The following FBLN1 variants were observed in gnomAD, a reference collection of about 807,000 sequenced individuals.
FBLN1 encodes fibulin 1.
In FBLN1, 34 loss-of-function variants were observed where a neutral mutation model predicts 89.7. The observed-to-expected ratio is 0.38, with a 90% CI of 0.29 to 0.50. The LOEUF (loss-of-function observed/expected upper bound fraction) is 0.50, where lower values mean the gene tolerates loss of function less well. FBLN1 is among the 20% of genes least tolerant of loss of function. The pLI, the probability that FBLN1 is intolerant of heterozygous loss-of-function variation, is 0.92. For synonymous variants in FBLN1, 393 were observed against 391.3 expected (o/e 1.00, Z -0.05); for missense variants, 777 against 988.1 (o/e 0.79, Z 2.86).
At position 45,550,845 on chromosome 22, in the gene FBLN1, T is replaced by C; in HGVS notation, c.1697+230T>C. ...TGAGTCTGGGGTCTATAGTCATGTT[T>C]TCAGGCCAAGGCTGTGCACAGAACC... On this transcript the variant is annotated intron_variant, in intron 14 of 16. Coordinates refer to ENST00000327858, the MANE Select transcript of FBLN1 (RefSeq NM_006486.3). This position sits in a 1 kb window ranked among gnomAD's most constrained non-coding sequence, Gnocchi z 8.4. 1.6e-6 allele frequency: 1 copy of C among 621,124 alleles called. No individual in the cohort carries two copies. Among genetic ancestry groups the C allele is most frequent in the East Asian group, 2.9e-5 (1 of 34,454 alleles). 38.5% of individuals were successfully genotyped at this position (621,124 alleles called of 1,614,324 possible).
chr22:45,524,259 A>T (rs976804783), intron 2 of FBLN1, among the ~76,000 whole-genome samples: 7 of 152,168 alleles, frequency 4.6e-5, no homozygotes, highest in Non-Finnish European at 7.4e-5. Context: ...TGGAGGCACG[A>T]GTTGGGTGGC....
At chr22:45,518,315 T>C (rs938798447) in intron 1 of FBLN1, among the ~76,000 whole-genome samples, 14 of 152,056 alleles carry the variant, frequency 9.2e-5, no homozygotes, top group Non-Finnish European at 2.1e-4. Flanking sequence ...GGGCTGTCTT[T>C]CTTGCCTACT....
At chr22:45,518,620 G>A in intron 1 of FBLN1, 62 bp from the exon 2 acceptor site, 1 of 1,260,350 alleles carries the variant, frequency 7.9e-7, no homozygotes, top group Non-Finnish European at 1.1e-6. Context: ...TGGTGCATCT[G>A]GGAGGGCCCT....
At chr22:45,551,169 A>C in intron 14 of FBLN1, 1 of 197,846 alleles carries the variant, frequency 5.1e-6, no homozygotes. Context: ...AAGCTCACTC[A>C]CTCCTAGGCC....
chr22:45,598,103 A>G (rs749263010), intron 16 of FBLN1, among the ~76,000 whole-genome samples: 15 of 152,228 alleles, frequency 9.9e-5, no homozygotes, highest in Non-Finnish European at 2.2e-4. Flanking sequence ...GCCTGGAATC[A>G]GCCGTTTGTG....
Position 45,545,777 on chromosome 22 carries a change from C to T in FBLN1, c.1322-1308C>T, listed in dbSNP as rs1390255826. ...ACAGCCACATAGTATAGATTTAAGGCTTTTCCAGCCACAATCTCTGTTGCA... is the reference window on the plus strand; with the variant it reads ...ACAGCCACATAGTATAGATTTAAGGTTTTTCCAGCCACAATCTCTGTTGCA... On this transcript the variant is annotated intron_variant, in intron 11 of 16. Coordinates refer to ENST00000327858, the MANE Select transcript of FBLN1 (RefSeq NM_006486.3). The surrounding 1 kb of genome is among the most constrained non-coding windows in gnomAD (Gnocchi z 5.9). 6.6e-6 allele frequency among the ~76,000 whole-genome samples: 1 copy of T among 152,156 alleles called. No individual in the cohort carries two copies. Among genetic ancestry groups the T allele is most frequent in the Non-Finnish European group, 1.5e-5 (1 of 68,036 alleles).
Position 45,600,711 on chromosome 22 carries a change from G to A in FBLN1, c.*265G>A. ...AGGCTAAGTGTCACCCCCTTTCTCT[G>A]CCTCTGGCTGGGCCTTGCTAAGGGC... On this transcript the variant is annotated 3_prime_UTR_variant, in exon 17 of 17. Coordinates refer to ENST00000327858, the MANE Select transcript of FBLN1 (RefSeq NM_006486.3). 1 of 511,790 alleles carries A rather than the reference G, an allele frequency of 2.0e-6. No individual in the cohort carries two copies. The highest frequency in any genetic ancestry group is 2.1e-5 in the South Asian group (1 of 48,598). 31.7% of individuals were successfully genotyped at this position (511,790 alleles called of 1,614,324 possible). A position where few individuals can be genotyped will look rare whatever the true frequency, so the allele number is the denominator to read the frequency against.
chr22:45,547,038 C>T, intron 11 of FBLN1, 47 bp from the exon 12 acceptor site: 1 of 1,613,198 alleles, frequency 6.2e-7, no homozygotes, highest in Non-Finnish European at 8.5e-7. Flanking sequence ...ACTGTGGAGG[C>T]AGGGACGTAT....
rs2088861014 is a variant in FBLN1, at chr22:45,562,623, G to A, written c.1698-11888G>A. On this transcript the variant is annotated intron_variant, in intron 14 of 16. Coordinates refer to ENST00000327858, the MANE Select transcript of FBLN1 (RefSeq NM_006486.3). The surrounding 1 kb of genome is among the most constrained non-coding windows in gnomAD (Gnocchi z 7.8). ...GTGCCTGGGGAGTGCCCCTGGGGTG[G>A]GGCTCTGCCAGTGAGCAGGGGACGC... Among the ~76,000 whole-genome samples, 2 of 152,322 alleles carry A rather than the reference G, an allele frequency of 1.3e-5. No individual in the cohort carries two copies. Among genetic ancestry groups the A allele is most frequent in the South Asian group, 2.1e-4 (1 of 4,816 alleles).
chr22:45,586,224 C>T (rs1267239609), intron 16 of FBLN1, among the ~76,000 whole-genome samples: 1 of 152,194 alleles, frequency 6.6e-6, no homozygotes, highest in Non-Finnish European at 1.5e-5. Context: ...CATGTGAGTG[C>T]CGCACTGCAC....
rs928150561 is a variant in FBLN1, at chr22:45,600,469, C to T, written c.*23C>T. The T allele has an allele frequency of 6.2e-7, 1 of 1,614,012 alleles. No homozygotes were observed. On this transcript the variant is annotated 3_prime_UTR_variant, in exon 17 of 17. Coordinates refer to ENST00000327858, the MANE Select transcript of FBLN1 (RefSeq NM_006486.3). The stretch of plus-strand genomic sequence containing the variant: ...TGAGGGCTGGTCTGCCGCACAGCCG[C>T]AGGTGCACCTCCAGGCCAAATCATT...
At chr22:45,558,320 T>C (rs1365942183) in intron 14 of FBLN1, 3 of 366,052 alleles carry the variant, frequency 8.2e-6, no homozygotes, top group Non-Finnish European at 1.5e-5. Flanking sequence ...TCAGGTCATA[T>C]GGTGACTTGA....
At chr22:45,521,117 A>G (rs748420889) in intron 2 of FBLN1, among the ~76,000 whole-genome samples, 1 of 152,160 alleles carries the variant, frequency 6.6e-6, no homozygotes, top group South Asian at 2.1e-4. Flanking sequence ...CGCCCGGCCA[A>G]TTTTGGGGTT....
intron 1 of FBLN1, among the ~76,000 whole-genome samples, chr22:45,504,277 C>T (rs1303577313): frequency 6.6e-6 from 1 of 152,118 alleles, no homozygotes; most frequent in African/African-American, 2.4e-5. Context: ...TGGCTGGCTG[C>T]AGCAGAGCCC....
intron 16 of FBLN1, among the ~76,000 whole-genome samples, chr22:45,586,651 C>G (rs1290638706): frequency 6.6e-6 from 1 of 152,182 alleles, no homozygotes; most frequent in East Asian, 1.9e-4. Context: ...TCCCCACGGA[C>G]ACATGCCTGA....
intron 14 of FBLN1, among the ~76,000 whole-genome samples, chr22:45,559,990 G>A (rs1029940459): frequency 6.6e-6 from 1 of 152,182 alleles, no homozygotes; most frequent in African/African-American, 2.4e-5. Flanking sequence ...ATTCAAATTA[G>A]TCTTTTGTCC....
chr22:45,541,378 T>C lies in FBLN1; in HGVS notation c.1066+6T>C. The stretch of plus-strand genomic sequence containing the variant: ...GGAGGGAACGCGCTGTGTTGGTTGG[T>C]ATTAAGAAAACAAATCTGAAATCCA... On this transcript the variant is annotated splice_donor_region_variant and intron_variant, in intron 9 of 16. Coordinates refer to ENST00000327858, the MANE Select transcript of FBLN1 (RefSeq NM_006486.3). 1 of 1,614,198 alleles carries C rather than the reference T, an allele frequency of 6.2e-7. No individual in the cohort carries two copies. Among genetic ancestry groups the C allele is most frequent in the Non-Finnish European group, 8.5e-7 (1 of 1,180,038 alleles).
At position 45,580,468 on chromosome 22, in the gene FBLN1, G is replaced by A. The variant is rs1207903689; in HGVS notation, c.1972+3360G>A. 6.6e-6 allele frequency among the ~76,000 whole-genome samples: 1 copy of A among 152,214 alleles called. No homozygotes were observed. Among genetic ancestry groups the A allele is most frequent in the South Asian group, 2.1e-4 (1 of 4,838 alleles). On this transcript the variant is annotated intron_variant, in intron 16 of 16. Transcript: ENST00000327858. The surrounding 1 kb of genome is among the most constrained non-coding windows in gnomAD (Gnocchi z 8.6). ...GCTGAGTGTCCTTGCATGTGAGGGA[G>A]TGACACTTAGTGAGCACCTGTGATG...
chr22:45,525,032 TGAG>T (rs754986687), intron 2 of FBLN1, among the ~76,000 whole-genome samples: 120 of 150,206 alleles, frequency 8.0e-4, no homozygotes, highest in Admixed American at 1.9e-3. Flanking sequence ...TGCAGTGAGC[TGAG>T]ATCACACTAC....
Sources: allele counts gnomAD v4.1 joint callset (sites outside exome capture counted in the v4.1 genomes callset), GRCh38; gene constraint gnomAD v4.1.1; non-coding constraint Gnocchi (gnomAD v3.1); transcripts MANE v1.5; gene names NCBI Gene and HGNC (gene_info 2026-07-23, HGNC 2026-07-21).